The following CAPN7 variants were observed in gnomAD, a reference collection of about 807,000 sequenced individuals.
CAPN7 encodes calpain-7.
A neutral mutation model predicts 115.2 loss-of-function variants in CAPN7; 72 were observed. That is an observed-to-expected ratio of 0.63 (90% confidence interval 0.52 to 0.76). The LOEUF (loss-of-function observed/expected upper bound fraction) is 0.76, where lower values mean the gene tolerates loss of function less well. CAPN7 is among the 30% of genes least tolerant of loss of function. The pLI is 0.00. For missense variants in CAPN7, 905 were observed against 971.5 expected, an observed-to-expected ratio of 0.93 and a Z score of 0.91; for synonymous variants, 344 against 322.3, an observed-to-expected ratio of 1.07 and a Z score of -0.72.
chr3:15,209,047 G>A (rs2044790601), intron 1 of CAPN7, among the ~76,000 whole-genome samples: 2 of 151,112 alleles, frequency 1.3e-5, no homozygotes, highest in Non-Finnish European at 2.9e-5. Flanking sequence ...TTTTGTTCTT[G>A]TTGCTCAGGC....
chr3:15,225,469 C>T (rs762729486), intron 6 of CAPN7, among the ~76,000 whole-genome samples: 9 of 152,068 alleles, frequency 5.9e-5, no homozygotes, highest in Non-Finnish European at 8.8e-5. Context: ...TATGCTTATA[C>T]GACACAGTGT....
chr3:15,251,413 T>C lies in CAPN7; in HGVS notation c.*153T>C, dbSNP rs1434333995. Reference sequence around the variant, plus strand: ...GGAATCTGGTGCTTGTCAGGGTGTTTGGTAAGAACTGTATATAGTCAGAAT... The same window carrying C: ...GGAATCTGGTGCTTGTCAGGGTGTTCGGTAAGAACTGTATATAGTCAGAAT... On this transcript the variant is annotated 3_prime_UTR_variant, in exon 21 of 21. Coordinates refer to ENST00000253693, the MANE Select transcript of CAPN7 (RefSeq NM_014296.3). 4 of 633,330 alleles carry C rather than the reference T, an allele frequency of 6.3e-6. No homozygotes were observed. The highest frequency in any genetic ancestry group is 1.1e-5 in the Non-Finnish European group (4 of 375,262). 39.2% of individuals were successfully genotyped at this position (633,330 alleles called of 1,614,324 possible).
chr3:15,213,949 A>G (rs1279398544), intron 2 of CAPN7, among the ~76,000 whole-genome samples: 1 of 147,482 alleles, frequency 6.8e-6, no homozygotes, highest in Non-Finnish European at 1.5e-5. Context: ...GCGCGATCTC[A>G]GCTCACTGCC....
At chr3:15,208,703 A>AG (rs892316218) in intron 1 of CAPN7, among the ~76,000 whole-genome samples, 5 of 152,296 alleles carry the variant, frequency 3.3e-5, no homozygotes, top group Non-Finnish European at 7.3e-5. Context: ...TCTTATGACT[A>AG]GTGCAAATTT....
chr3:15,246,507 GGAAAAAT>G (rs1027694635), intron 17 of CAPN7: 3 of 446,240 alleles, frequency 6.7e-6, no homozygotes, highest in Non-Finnish European at 1.2e-5. Flanking sequence ...GCCACAGCCT[GGAAAAAT>G]TGTGATTTGT....
intron 12 of CAPN7, among the ~76,000 whole-genome samples, chr3:15,236,540 T>A (rs1013237383): frequency 6.6e-6 from 1 of 152,256 alleles, no homozygotes; most frequent in East Asian, 1.9e-4. Flanking sequence ...CACATGGATT[T>A]ACAGTCACGT....
chr3:15,239,593 C>G (rs1273791904), intron 12 of CAPN7, among the ~76,000 whole-genome samples: 1 of 152,112 alleles, frequency 6.6e-6, no homozygotes, highest in Admixed American at 6.5e-5. Flanking sequence ...TTGTTTTAAA[C>G]TAATGTAATA....
intron 16 of CAPN7, among the ~76,000 whole-genome samples, chr3:15,243,569 G>A (rs931445426): frequency 6.6e-6 from 1 of 152,120 alleles, no homozygotes; most frequent in Non-Finnish European, 1.5e-5. Flanking sequence ...GAGGAAAAAG[G>A]TACCACAAAA....
chr3:15,236,624 A>G (rs985664691), intron 12 of CAPN7, among the ~76,000 whole-genome samples: 1 of 152,200 alleles, frequency 6.6e-6, no homozygotes, highest in South Asian at 2.1e-4. Context: ...ACATCATAAA[A>G]TGTACTTACA....
Position 15,251,041 on chromosome 3 carries a change from A to T in CAPN7, c.2297+18A>T. The T allele has an allele frequency of 6.2e-7, 1 of 1,602,238 alleles. No homozygotes were observed. The highest frequency in any genetic ancestry group is 8.5e-7 in the Non-Finnish European group (1 of 1,170,910). ...GACTATAGGTAATGTTGGCATTTTT[A>T]TTGTATCTATTTTATACTTTACTTT... On this transcript the variant is annotated intron_variant, in intron 20 of 20. Transcript: ENST00000253693.
chr3:15,206,459 G>A lies in CAPN7; in HGVS notation c.-37G>A, dbSNP rs1028139809. The A allele has an allele frequency of 6.8e-7, 1 of 1,475,630 alleles. No homozygotes were observed. The highest frequency in any genetic ancestry group is 1.2e-5 in the South Asian group (1 of 81,758). 91.4% of individuals were successfully genotyped at this position (1,475,630 alleles called of 1,614,324 possible). On this transcript the variant is annotated 5_prime_UTR_variant, in exon 1 of 21. Coordinates refer to ENST00000253693, the MANE Select transcript of CAPN7 (RefSeq NM_014296.3). ...TCCGCGAAGAGCCGTCCTGCGTCAG[G>A]GCCTCCTTCCCTGCCCCGGCGCGGG...
rs117710316 is a variant in CAPN7 at position 15,214,583 on chromosome 3, G to A, written c.211+2371G>A. On this transcript the variant is annotated intron_variant, in intron 2 of 20. Transcript: ENST00000253693. ...AAATTGAAAAAATTTGCTGGGCATG[G>A]TGGTGTGTGCCTGTAGTCCCAGCTC... is the stretch of plus-strand genomic sequence containing the variant. Among the ~76,000 whole-genome samples, 141 of 152,264 alleles carry A rather than the reference G, an allele frequency of 9.3e-4. 1 individual carries two copies. In the East Asian group the frequency reaches 0.023, roughly 25 times the overall value.
chr3:15,250,498 G>A (rs1695941545), intron 19 of CAPN7, among the ~76,000 whole-genome samples: 3 of 151,990 alleles, frequency 2.0e-5, no homozygotes, highest in East Asian at 1.9e-4. Context: ...ATGAAACCCC[G>A]TCACTACTAA....
intron 2 of CAPN7, among the ~76,000 whole-genome samples, chr3:15,216,040 A>G (rs2045230877): frequency 6.6e-6 from 1 of 152,244 alleles, no homozygotes; most frequent in East Asian, 1.9e-4. Context: ...GTGAGCTGAG[A>G]TCGCACCACT....
At chr3:15,212,026 A>G in intron 1 of CAPN7, 78 bp from the exon 2 acceptor site, 1 of 698,704 alleles carries the variant, frequency 1.4e-6, no homozygotes, top group Admixed American at 3.0e-5. Flanking sequence ...ATGGAAACCA[A>G]TATTGAATGA....
intron 10 of CAPN7, 90 bp from the exon 11 acceptor site, chr3:15,233,777 T>A (rs1293554194): frequency 2.8e-6 from 2 of 717,714 alleles, no homozygotes; most frequent in Non-Finnish European, 4.9e-6. Context: ...CCAAAATCAT[T>A]ATGCCAAATC....
At position 15,217,401 on chromosome 3, in the gene CAPN7, TGC is replaced by T. The variant is rs757988687; in HGVS notation, c.212-22_212-21del. ...GGCTGTATTTAGATAATACTCCTTCTGCGTATTTTTTTTTCTATCCTAGTTCA... is the reference window on the plus strand; with the variant it reads ...GGCTGTATTTAGATAATACTCCTTCTGTATTTTTTTTTCTATCCTAGTTCA... On this transcript the variant is annotated intron_variant, in intron 2 of 20. Coordinates refer to ENST00000253693, the MANE Select transcript of CAPN7 (RefSeq NM_014296.3). 84 of 1,564,662 alleles carry T rather than the reference TGC, an allele frequency of 5.4e-5. No individual in the cohort carries two copies. The African/African-American group carries it at 1.0e-3, about 19-fold the overall frequency.
chr3:15,223,497 A>G lies in CAPN7; in HGVS notation c.661A>G (p.Ile221Val), dbSNP rs1457144599. Reference sequence around the variant, plus strand: ...TAGGACAACATCAAAAATAAATGGTATAGAATATGTTCCTTTCATGAATGT... The same window carrying G: ...TAGGACAACATCAAAAATAAATGGTGTAGAATATGTTCCTTTCATGAATGT... Reference protein sequence around the residue: ...VLRTTSKINGIEYVPFMNVDL... With the variant: ...VLRTTSKINGVEYVPFMNVDL... Residue 221 changes from isoleucine (I) to valine (V), a missense_variant, in exon 6 of 21, where the codon ATA becomes GTA. By Grantham distance (29) the Ile-to-Val change is conservative. Transcript: ENST00000253693. 53 of 1,609,518 alleles carry G rather than the reference A, an allele frequency of 3.3e-5. No individual in the cohort carries two copies. Among genetic ancestry groups the G allele is most frequent in the Non-Finnish European group, 4.4e-5 (52 of 1,177,042 alleles).
chr3:15,251,317 A>G lies in CAPN7; in HGVS notation c.*57A>G. The G allele has an allele frequency of 7.2e-7, 1 of 1,394,376 alleles. No individual in the cohort carries two copies. Among genetic ancestry groups the G allele is most frequent in the Non-Finnish European group, 9.8e-7 (1 of 1,020,468 alleles). The allele number at this position is 1,394,376 out of a possible 1,614,324, so 86.4% of individuals were successfully genotyped here. A position where few individuals can be genotyped will look rare whatever the true frequency, so the allele number is the denominator to read the frequency against. On this transcript the variant is annotated 3_prime_UTR_variant, in exon 21 of 21. Transcript: ENST00000253693. ...TTACCAAACATCAGTTCTTCAAATAAGGACGCAAATCTTCAGGACAGTAAG... is the reference window on the plus strand; with the variant it reads ...TTACCAAACATCAGTTCTTCAAATAGGGACGCAAATCTTCAGGACAGTAAG...
Sources: gnomAD v4.1 joint callset for allele counts (sites outside exome capture counted in the v4.1 genomes callset) on GRCh38, gnomAD v4.1.1 for gene constraint, MANE v1.5 for transcripts, NCBI Gene and HGNC (gene_info 2026-07-23, HGNC 2026-07-21) for gene names.